TTC39C: variants seen among roughly 807,000 people sequenced by gnomAD.
TTC39C encodes the protein tetratricopeptide repeat protein 39C.
A neutral mutation model predicts 76.3 loss-of-function variants in TTC39C; 33 were observed. That is an observed-to-expected ratio of 0.43 (90% confidence interval 0.33 to 0.58). The LOEUF (loss-of-function observed/expected upper bound fraction) is 0.58, where lower values mean the gene tolerates loss of function less well. Among genes scored for constraint, TTC39C ranks in the 20% least tolerant of loss-of-function variants. The pLI, the probability that TTC39C is intolerant of heterozygous loss-of-function variation, is 0.04. For synonymous variants in TTC39C, 254 were observed against 260.6 expected (o/e 0.97, Z 0.24); for missense variants, 595 against 701.4 (o/e 0.85, Z 1.71).
intron 4 of TTC39C, among the ~76,000 whole-genome samples, chr18:24,071,308 T>G (rs1444859108): frequency 2.0e-5 from 3 of 152,352 alleles, no homozygotes; most frequent in African/African-American, 7.2e-5. Flanking sequence ...GCACATGCTG[T>G]GTGCTAAGCA....
chr18:24,001,754 G>A (rs534181709), intron 1 of TTC39C: 1 of 151,936 alleles, frequency 6.6e-6, no homozygotes, highest in Non-Finnish European at 1.5e-5. Context: ...ATAGGTAAGA[G>A]GAAGTTTGGG....
At chr18:24,093,351 C>G (rs1409057007) in intron 6 of TTC39C, among the ~76,000 whole-genome samples, 1 of 151,906 alleles carries the variant, frequency 6.6e-6, no homozygotes, top group South Asian at 2.1e-4. Flanking sequence ...TGGTGGCGGG[C>G]GCCTGTAGTC....
At chr18:24,028,311 AGT>A (rs1163697184) in intron 1 of TTC39C, among the ~76,000 whole-genome samples, 2 of 152,186 alleles carry the variant, frequency 1.3e-5, no homozygotes, top group African/African-American at 4.8e-5. Flanking sequence ...AGAATACTTG[AGT>A]GTTTTTCTGT....
intron 6 of TTC39C, among the ~76,000 whole-genome samples, chr18:24,089,177 A>G (rs2145773027): frequency 6.6e-6 from 1 of 152,312 alleles, no homozygotes; most frequent in South Asian, 2.1e-4. Context: ...CCAGTGCAGA[A>G]GGGCCTGTGC....
At chr18:24,131,712 C>CAA (rs11307092) in intron 12 of TTC39C, among the ~76,000 whole-genome samples, 170 bp from the exon 13 acceptor site, 3 of 122,354 alleles carry the variant, frequency 2.5e-5, no homozygotes. Context: ...AACTCCATCT[C>CAA]AAAAAAAAAA....
chr18:24,089,936 T>C (rs1480523102), intron 6 of TTC39C, among the ~76,000 whole-genome samples: 3 of 152,286 alleles, frequency 2.0e-5, no homozygotes, highest in East Asian at 3.9e-4. Flanking sequence ...TGTTAAGCAA[T>C]GTCATAAAAG....
chr18:24,049,392 A>G (rs2083922254), intron 1 of TTC39C, among the ~76,000 whole-genome samples: 1 of 152,220 alleles, frequency 6.6e-6, no homozygotes, highest in African/African-American at 2.4e-5. Flanking sequence ...AATTTCACCT[A>G]TCTCATAGCC....
At chr18:24,011,196 A>G (rs1244779190), upstream of TTC39C, among the ~76,000 whole-genome samples, 1 of 152,172 alleles carries the variant, frequency 6.6e-6, no homozygotes, top group Non-Finnish European at 1.5e-5. Flanking sequence ...GTTTGGGTGA[A>G]ATAGGTTCTA....
chr18:24,094,184 T>C (rs765638847), intron 6 of TTC39C, among the ~76,000 whole-genome samples: 4 of 152,206 alleles, frequency 2.6e-5, no homozygotes, highest in African/African-American at 7.2e-5. Context: ...ACCATTTTCT[T>C]TTCTCACTCA....
intron 8 of TTC39C, among the ~76,000 whole-genome samples, chr18:24,123,111 A>G (rs746849815): frequency 1.2e-4 from 18 of 152,168 alleles, no homozygotes; most frequent in Non-Finnish European, 2.4e-4. Context: ...TAGGACAGAG[A>G]ACTCCTCCTT....
In TTC39C at chr18:24,128,968, A is replaced by G; in HGVS notation, c.1503A>G (p.Ser501=). The G allele has an allele frequency of 6.2e-7, 1 of 1,613,422 alleles. No homozygotes were observed. The highest frequency in any genetic ancestry group is 1.7e-5 in the Admixed American group (1 of 59,982). Residue 501 remains serine, a synonymous_variant, in exon 11 of 14, where the codon TCA becomes TCG. Transcript: ENST00000317571. The stretch of plus-strand genomic sequence containing the variant: ...CCATACACAAATGTCTAGGAAACTC[A>G]GAAGATGCTGTTCAGGTAAACTGTT... ...LGAIHKCLGN[S]EDAVQYFQRA... is the part of the protein sequence containing the mutation.
chr18:24,075,173 T>A (rs1465212885), intron 4 of TTC39C, among the ~76,000 whole-genome samples: 1 of 151,400 alleles, frequency 6.6e-6, no homozygotes, highest in African/African-American at 2.4e-5. Flanking sequence ...GTGGGGAGGG[T>A]TGGCATTAAG....
chr18:24,130,226 C>A, intron 11 of TTC39C, 87 bp from the exon 12 acceptor site: 1 of 597,454 alleles, frequency 1.7e-6, no homozygotes, highest in Non-Finnish European at 2.9e-6. Flanking sequence ...GTATGAGTCC[C>A]CCTTCCCGCC....
intron 4 of TTC39C, among the ~76,000 whole-genome samples, chr18:24,074,019 T>A (rs1219139656): frequency 6.6e-6 from 1 of 152,238 alleles, no homozygotes; most frequent in Non-Finnish European, 1.5e-5. Context: ...GCCCACATGC[T>A]GTGAGATGAT....
At chr18:24,091,010 T>C (rs970222492) in intron 6 of TTC39C, among the ~76,000 whole-genome samples, 1 of 152,116 alleles carries the variant, frequency 6.6e-6, no homozygotes, top group Non-Finnish European at 1.5e-5. Flanking sequence ...TTTCACCACG[T>C]TGGCCAGGCT....
intron 10 of TTC39C, among the ~76,000 whole-genome samples, chr18:24,126,958 T>G (rs965673739): frequency 3.9e-5 from 6 of 152,224 alleles, no homozygotes; most frequent in African/African-American, 1.4e-4. Context: ...GGATCACATA[T>G]TTAGAGATAA....
At chr18:24,080,031 G>A (rs1196932084) in intron 4 of TTC39C, among the ~76,000 whole-genome samples, 1 of 151,894 alleles carries the variant, frequency 6.6e-6, no homozygotes, top group Non-Finnish European at 1.5e-5. Context: ...CAAACTCCTG[G>A]ACTTAAGTAA....
At position 24,020,626 on chromosome 18, in the gene TTC39C, G is replaced by A. The variant is rs550240234; in HGVS notation, c.167+5588G>A. On this transcript the variant is annotated intron_variant, in intron 1 of 13. Transcript: ENST00000317571. The stretch of plus-strand genomic sequence containing the variant: ...CACATCCTCCCATATACCTGAAATC[G>A]TCTGGTAACTTATAATACCTAACAT... 3.9e-5 allele frequency among the ~76,000 whole-genome samples: 6 copies of A among 152,212 alleles called. 1 individual carries two copies. In the South Asian group the frequency reaches 1.2e-3, roughly 32 times the overall value.
chr18:24,039,265 G>T (rs947219366), intron 1 of TTC39C, among the ~76,000 whole-genome samples: 2 of 152,220 alleles, frequency 1.3e-5, no homozygotes, highest in Non-Finnish European at 2.9e-5. Flanking sequence ...CAGAGGAGGT[G>T]CCTTGAGAAT....
Sources: allele counts gnomAD v4.1 joint callset (sites outside exome capture counted in the v4.1 genomes callset), GRCh38; gene constraint gnomAD v4.1.1; transcripts MANE v1.5; gene names NCBI Gene and HGNC (gene_info 2026-07-23, HGNC 2026-07-21).